The following NEGR1 variants were observed in gnomAD, a reference collection of about 807,000 sequenced individuals.
NEGR1 encodes the protein neuronal growth regulator 1.
In NEGR1, 10 loss-of-function variants were observed where a neutral mutation model predicts 40.9. The observed-to-expected ratio is 0.24, with a 90% CI of 0.15 to 0.42. The LOEUF is 0.42. Ranked by LOEUF, NEGR1 falls within the 10% of genes least tolerant of loss-of-function variation. The pLI is 1.00. For missense variants in NEGR1, 352 were observed against 438.9 expected (o/e 0.80, Z 1.77); for synonymous variants, 185 against 166.8 (o/e 1.11, Z -0.84).
At chr1:72,019,565 T>C (rs1210102444) in intron 1 of NEGR1, among the ~76,000 whole-genome samples, 1 of 152,164 alleles carries the variant, frequency 6.6e-6, no homozygotes, top group African/African-American at 2.4e-5. Context: ...CTTGATCAGA[T>C]CAATGAATTG....
At chr1:71,870,110 C>T (rs939829981) in intron 2 of NEGR1, among the ~76,000 whole-genome samples, 4 of 152,090 alleles carry the variant, frequency 2.6e-5, no homozygotes, top group African/African-American at 9.6e-5. Flanking sequence ...GAACTCCTGA[C>T]CTCAGGTGAT....
chr1:71,977,394 G>C lies in NEGR1; in HGVS notation c.177-42083C>G, dbSNP rs531119016. Among the ~76,000 whole-genome samples the C allele has an allele frequency of 3.3e-5, 5 of 152,152 alleles. No homozygotes were observed. In the East Asian group the frequency reaches 9.7e-4, roughly 29 times the overall value. On this transcript the variant is annotated intron_variant, in intron 1 of 6. Coordinates refer to ENST00000357731, the MANE Select transcript of NEGR1 (RefSeq NM_173808.3). ...ACAAAAAACTAGAAAGTGCCTGCTT[G>C]TCCTTGGATTTCAAAAGATTATAAA... is the stretch of plus-strand genomic sequence containing the variant.
rs34891986 is a variant in NEGR1 at position 71,905,864 on chromosome 1, C to CAA, written c.409+29213_409+29214dup. The stretch of plus-strand genomic sequence containing the variant: ...TGTTAAATTAATTGGGAGGTTGTTA[C>CAA]AAAAAAAAAAAAAAAAGAAAGGCTG... On this transcript the variant is annotated intron_variant, in intron 2 of 6. Transcript: ENST00000357731. Among the ~76,000 whole-genome samples the CAA allele has an allele frequency of 4.6e-3, 489 of 106,628 alleles. 3 individuals are homozygous for CAA. Among genetic ancestry groups the CAA allele is most frequent in the African/African-American group, 0.014 (337 of 23,936 alleles). 70.0% of individuals were successfully genotyped at this position (106,628 alleles called of 152,430 possible).
In NEGR1 at chr1:71,867,889, T is replaced by C. The variant is rs536177542; in HGVS notation, c.409+67190A>G. On this transcript the variant is annotated intron_variant, in intron 2 of 6. Transcript: ENST00000357731. ...GCAACACTGTTCAAATTTAATTTTA[T>C]TATTGTTAGTTTTGGAAATATATTA... Among the ~76,000 whole-genome samples the C allele has an allele frequency of 2.0e-5, 3 of 152,290 alleles. No individual in the cohort carries two copies. In the South Asian group the frequency reaches 6.2e-4, roughly 32 times the overall value.
intron 1 of NEGR1, among the ~76,000 whole-genome samples, chr1:72,036,652 T>C (rs1646905817): frequency 1.1e-5 from 1 of 91,428 alleles, no homozygotes. Context: ...CGAGACTCCA[T>C]CTCAAAAAAA....
intron 1 of NEGR1, among the ~76,000 whole-genome samples, chr1:72,221,711 T>A (rs1050662590): frequency 1.3e-5 from 2 of 152,034 alleles, no homozygotes; most frequent in Admixed American, 6.6e-5. Flanking sequence ...TCCTATTAAT[T>A]TTTTTTACAC....
chr1:71,534,275 T>C (rs1279642283), intron 6 of NEGR1, among the ~76,000 whole-genome samples: 1 of 151,728 alleles, frequency 6.6e-6, no homozygotes, highest in Non-Finnish European at 1.5e-5. Flanking sequence ...CCTTCCTTTT[T>C]AGTCGAACTA....
At chr1:71,923,572 A>G (rs768723364) in intron 2 of NEGR1, among the ~76,000 whole-genome samples, 2 of 152,192 alleles carry the variant, frequency 1.3e-5, no homozygotes, top group Non-Finnish European at 2.9e-5. Context: ...TTAAAACAAC[A>G]CAAGTGTATC....
At chr1:72,242,289 GA>G in intron 1 of NEGR1, among the ~76,000 whole-genome samples, 1 of 151,670 alleles carries the variant, frequency 6.6e-6, no homozygotes, top group South Asian at 2.1e-4. Flanking sequence ...CCTGTAATGA[GA>G]AAAAATTAAG....
At chr1:71,947,889 T>A (rs543826128) in intron 1 of NEGR1, among the ~76,000 whole-genome samples, 1 of 152,290 alleles carries the variant, frequency 6.6e-6, no homozygotes, top group East Asian at 1.9e-4. Context: ...TAAGATGCTG[T>A]ATTTGGTATA....
chr1:71,808,358 A>G (rs1657856742), intron 2 of NEGR1, among the ~76,000 whole-genome samples: 2 of 152,188 alleles, frequency 1.3e-5, no homozygotes, highest in Admixed American at 1.3e-4. Context: ...GCCCTCCTAT[A>G]GGTATAGATG....
chr1:71,657,967 C>T (rs934589893), intron 4 of NEGR1, among the ~76,000 whole-genome samples: 6 of 152,094 alleles, frequency 3.9e-5, no homozygotes, highest in African/African-American at 1.4e-4. Flanking sequence ...GTCCAAAATC[C>T]CACTGCTAAA....
intron 6 of NEGR1, among the ~76,000 whole-genome samples, chr1:71,453,054 T>A (rs1174755063): frequency 6.6e-6 from 1 of 152,170 alleles, no homozygotes; most frequent in Non-Finnish European, 1.5e-5. Flanking sequence ...TGGAAGACTA[T>A]GGAATTAAAT....
At chr1:71,697,326 G>A (rs900335021) in intron 4 of NEGR1, among the ~76,000 whole-genome samples, 4 of 151,744 alleles carry the variant, frequency 2.6e-5, no homozygotes, top group African/African-American at 9.7e-5. Flanking sequence ...ACTTAGGGGA[G>A]ATTTTTGAAA....
At chr1:71,650,607 A>C (rs544817714) in intron 4 of NEGR1, among the ~76,000 whole-genome samples, 84 of 152,282 alleles carry the variant, frequency 5.5e-4, no homozygotes, top group Non-Finnish European at 8.7e-4. Context: ...TTGTTTGCTC[A>C]TAAGCATACT....
intron 4 of NEGR1, among the ~76,000 whole-genome samples, chr1:71,650,993 A>C (rs893008496): frequency 3.3e-5 from 5 of 152,198 alleles, no homozygotes; most frequent in African/African-American, 4.8e-5. Context: ...TTCTAAAAGC[A>C]AAACAAACAG....
intron 2 of NEGR1, among the ~76,000 whole-genome samples, chr1:71,822,660 G>A (rs1570395453): frequency 6.6e-6 from 1 of 151,948 alleles, no homozygotes; most frequent in Non-Finnish European, 1.5e-5. Context: ...ATTCTGGAAA[G>A]GTCAGTGGTT....
chr1:71,588,863 T>C (rs1220820121), intron 6 of NEGR1, among the ~76,000 whole-genome samples: 4 of 152,150 alleles, frequency 2.6e-5, no homozygotes, highest in African/African-American at 9.7e-5. Flanking sequence ...GTTGTATCTT[T>C]GCGGATCAGG....
chr1:72,149,139 G>T (rs148031631), intron 1 of NEGR1, among the ~76,000 whole-genome samples: 4 of 152,088 alleles, frequency 2.6e-5, no homozygotes, highest in African/African-American at 9.7e-5. Flanking sequence ...TCAGAATCAT[G>T]GCAGGATGCG....
Sources: allele counts gnomAD v4.1 joint callset (sites outside exome capture counted in the v4.1 genomes callset), GRCh38; gene constraint gnomAD v4.1.1; transcripts MANE v1.5; gene names NCBI Gene and HGNC (gene_info 2026-07-23, HGNC 2026-07-21).